Variants in FGF13 observed in about 807,000 individuals in gnomAD.
FGF13 encodes fibroblast growth factor 13.
FGF13 carries 2 observed loss-of-function variants against 19.5 expected under a neutral mutation model. The observed-to-expected ratio is 0.10, with a 90% CI of 0.04 to 0.32. The LOEUF is 0.32. FGF13 is among the 10% of genes least tolerant of loss of function. FGF13 has a pLI of 1.00. For synonymous variants in FGF13, 72 were observed against 76.9 expected, an observed-to-expected ratio of 0.94 and a Z score of 0.33; for missense variants, 113 against 192.7, an observed-to-expected ratio of 0.59 and a Z score of 2.45.
chrX:139,162,612 GA>G (rs1317729208), intron 1 of FGF13, among the ~76,000 whole-genome samples: 31 of 111,528 alleles, frequency 2.8e-4, no homozygotes, highest in African/African-American at 9.8e-4. Context: ...GTACCCTACA[GA>G]ATTGGAGAAA....
intron 3 of FGF13, among the ~76,000 whole-genome samples, chrX:138,698,225 C>G (rs1189686995): frequency 9.0e-6 from 1 of 110,564 alleles, no homozygotes; most frequent in Admixed American, 9.7e-5. Context: ...ATTGCTATCT[C>G]TGTAACAATA....
chrX:138,955,934 CAAGA>C (rs1351452121), intron 1 of FGF13, among the ~76,000 whole-genome samples: 1 of 112,035 alleles, frequency 8.9e-6, no homozygotes, highest in Non-Finnish European at 1.9e-5. Context: ...CACCAATACA[CAAGA>C]AAGAGAGACC....
At chrX:138,743,756 C>A (rs148039083), upstream of FGF13, among the ~76,000 whole-genome samples, 31 of 111,583 alleles carry the variant, frequency 2.8e-4, no homozygotes, top group African/African-American at 1.0e-3. Flanking sequence ...TCTCTCTGAT[C>A]TTCACGACAA....
At chrX:138,655,318 C>T (rs754500659) in intron 3 of FGF13, among the ~76,000 whole-genome samples, 11 of 111,516 alleles carry the variant, frequency 9.9e-5, no homozygotes, top group African/African-American at 3.6e-4. Context: ...TCAGATAAGG[C>T]AGAGGAAGTT....
At chrX:138,984,513 A>AAGG (rs2091979152) in intron 1 of FGF13, among the ~76,000 whole-genome samples, 1 of 25,250 alleles carries the variant, frequency 4.0e-5, no homozygotes, top group Non-Finnish European at 8.9e-5. Context: ...GAAGAAGAGG[A>AAGG]AGAAGAAGAG....
intron 1 of FGF13, among the ~76,000 whole-genome samples, chrX:138,909,163 T>C (rs907661022): frequency 8.9e-6 from 1 of 111,753 alleles, no homozygotes; most frequent in South Asian, 3.8e-4. Context: ...GGAAATCTTA[T>C]AGCCAAAAGG....
At chrX:138,898,154 A>G (rs2091513290) in intron 1 of FGF13, among the ~76,000 whole-genome samples, 2 of 111,482 alleles carry the variant, frequency 1.8e-5, no homozygotes, top group Admixed American at 1.9e-4. Context: ...CAACAACAAT[A>G]CAAATTATGA....
At chrX:138,933,550 G>A (rs1036219458) in intron 1 of FGF13, among the ~76,000 whole-genome samples, 1 of 111,998 alleles carries the variant, frequency 8.9e-6, no homozygotes, top group African/African-American at 3.2e-5. Flanking sequence ...TAATCTCTAA[G>A]TTTCACTTTT....
chrX:138,996,122 G>A (rs780902930), intron 1 of FGF13, among the ~76,000 whole-genome samples: 14 of 111,923 alleles, frequency 1.3e-4, no homozygotes, highest in African/African-American at 4.5e-4. Flanking sequence ...ACCCACAGAA[G>A]GCAGGTAATT....
At chrX:138,961,670 G>A (rs762965906) in intron 1 of FGF13, among the ~76,000 whole-genome samples, 1 of 111,751 alleles carries the variant, frequency 8.9e-6, no homozygotes, top group Non-Finnish European at 1.9e-5. Flanking sequence ...ACAGAACAGA[G>A]CCCTCAGAAA....
At chrX:138,787,393 T>A (rs1473333718) in intron 3 of FGF13, among the ~76,000 whole-genome samples, 1 of 112,058 alleles carries the variant, frequency 8.9e-6, no homozygotes, top group African/African-American at 3.2e-5. Context: ...TTTCTCATAG[T>A]TCTTGAGGCT....
intron 1 of FGF13, among the ~76,000 whole-genome samples, chrX:138,879,571 CA>C (rs2091410969): frequency 9.0e-6 from 1 of 111,427 alleles, no homozygotes. Context: ...AGGTTTGTTA[CA>C]TAGGTATACA....
rs1164382643 is a variant in FGF13 at position 138,615,521 on chromosome X, G to A, written c.*17329C>T. The A allele has an allele frequency of 9.1e-6, 1 of 110,423 alleles. No individual in the cohort carries two copies. Among genetic ancestry groups the A allele is most frequent in the Non-Finnish European group, 1.9e-5 (1 of 52,833 alleles). 9.1% of individuals were successfully genotyped at this position (110,423 alleles called of 1,213,427 possible). A position where few individuals can be genotyped will look rare whatever the true frequency, so the allele number is the denominator to read the frequency against. On this transcript the variant is annotated 3_prime_UTR_variant, in exon 5 of 5. Transcript: ENST00000315930. ...AGGGAAGAGTCATATCTAGTATTTG[G>A]GAAACTGAAAGAAACCCCAGTGGAC...
intron 3 of FGF13, among the ~76,000 whole-genome samples, chrX:138,766,128 T>C: frequency 8.9e-6 from 1 of 112,317 alleles, no homozygotes; most frequent in Non-Finnish European, 1.9e-5. Flanking sequence ...GTACTAGCAT[T>C]TGACACCAAT....
intron 3 of FGF13, among the ~76,000 whole-genome samples, chrX:138,782,255 G>A (rs1466217919): frequency 8.9e-6 from 1 of 112,375 alleles, no homozygotes; most frequent in African/African-American, 3.2e-5. Flanking sequence ...GCACAAGACA[G>A]GGATGGCCTC....
intron 1 of FGF13, among the ~76,000 whole-genome samples, chrX:138,955,096 T>A (rs992300506): frequency 3.6e-5 from 4 of 112,617 alleles, no homozygotes; most frequent in African/African-American, 6.4e-5. Context: ...TCAATCAGAC[T>A]GTCTGGGAAT....
intron 3 of FGF13, among the ~76,000 whole-genome samples, chrX:138,792,965 G>T (rs1172341411): frequency 3.6e-5 from 4 of 111,642 alleles, no homozygotes; most frequent in Non-Finnish European, 7.5e-5. Flanking sequence ...GATTATATTG[G>T]ATTATCTGAT....
rs777080858 is a variant in FGF13, at chrX:139,069,641, A to T, written c.-113+133775T>A. Among the ~76,000 whole-genome samples, 5 of 112,358 alleles carry T rather than the reference A, an allele frequency of 4.5e-5. No individual in the cohort carries two copies. In the South Asian group the frequency reaches 1.5e-3, roughly 33 times the overall value. Reference sequence around the variant, plus strand: ...AAAAAAAAAAACTACTTTAAATTTCATATGGAACCAAAACAGTGCTTGTGT... The same window carrying T: ...AAAAAAAAAAACTACTTTAAATTTCTTATGGAACCAAAACAGTGCTTGTGT... On this transcript the variant is annotated intron_variant, in intron 1 of 2. Coordinates refer to the FGF13 transcript ENST00000421460.
At chrX:138,798,415 C>T (rs1393340387) in intron 3 of FGF13, among the ~76,000 whole-genome samples, 2 of 112,012 alleles carry the variant, frequency 1.8e-5, no homozygotes, top group African/African-American at 6.5e-5. Context: ...ATGAAGTTGA[C>T]TTCATCGTGG....
Sources: gnomAD v4.1 joint callset for allele counts (sites outside exome capture counted in the v4.1 genomes callset) on GRCh38, gnomAD v4.1.1 for gene constraint, MANE v1.5 for transcripts, NCBI Gene and HGNC (gene_info 2026-07-23, HGNC 2026-07-21) for gene names.